The following BICC1 variants were observed in gnomAD, a reference collection of about 807,000 sequenced individuals.
BICC1 encodes the protein protein bicaudal C homolog 1.
BICC1 carries 43 observed loss-of-function variants against 111.0 expected under a neutral mutation model. The observed-to-expected ratio is 0.39, with a 90% CI of 0.30 to 0.50. The LOEUF is 0.50. Ranked by LOEUF, BICC1 falls within the 20% of genes least tolerant of loss-of-function variation. BICC1 has a pLI of 0.88. For synonymous variants in BICC1, 467 were observed against 434.4 expected, an observed-to-expected ratio of 1.07 and a Z score of -0.93; for missense variants, 1,091 against 1,203.2, an observed-to-expected ratio of 0.91 and a Z score of 1.38.
intron 2 of BICC1, among the ~76,000 whole-genome samples, chr10:58,628,247 A>T (rs1381438785): frequency 6.6e-6 from 1 of 152,228 alleles, no homozygotes; most frequent in Non-Finnish European, 1.5e-5. Context: ...ACTAAGATAG[A>T]TTGAAGTTGT....
In BICC1 at chr10:58,828,819, G is replaced by C. The variant is rs1844474514; in HGVS notation, c.2853G>C (p.Leu951=). The C allele has an allele frequency of 6.2e-7, 1 of 1,613,832 alleles. No homozygotes were observed. ...FESPNARTSF[L]EGGASGRLPR... is the part of the protein sequence containing the mutation. ...CGCCAAATGCACGCACCTCTTTCCT[G>C]GAAGGTGGAGCGAGTGGAAGGCTAC... Residue 951 remains leucine, a synonymous_variant, in exon 21 of 21, where the codon CTG becomes CTC. Coordinates refer to ENST00000373886, the MANE Select transcript of BICC1 (RefSeq NM_001080512.3).
rs1214289739 is a variant in BICC1, at chr10:58,829,598, T to G, written c.*707T>G. On this transcript the variant is annotated 3_prime_UTR_variant, in exon 21 of 21. Coordinates refer to ENST00000373886, the MANE Select transcript of BICC1 (RefSeq NM_001080512.3). Reference sequence around the variant, plus strand: ...CACTTGCTTCTGGACCAATTCTGTTTCATGTATGTTAGCATCCTAGAAACA... The same window carrying G: ...CACTTGCTTCTGGACCAATTCTGTTGCATGTATGTTAGCATCCTAGAAACA... The G allele has an allele frequency of 1.3e-5, 2 of 152,182 alleles. No homozygotes were observed. Among genetic ancestry groups the G allele is most frequent in the Non-Finnish European group, 2.9e-5 (2 of 68,032 alleles). 9.4% of individuals were successfully genotyped at this position (152,182 alleles called of 1,614,324 possible).
intron 3 of BICC1, among the ~76,000 whole-genome samples, chr10:58,749,396 A>G (rs1373827909): frequency 6.6e-6 from 1 of 152,160 alleles, no homozygotes; most frequent in Non-Finnish European, 1.5e-5. Flanking sequence ...TATTATTTCT[A>G]TAGAAATTCC....
chr10:58,737,775 C>T (rs1841521259), intron 3 of BICC1, among the ~76,000 whole-genome samples: 1 of 152,194 alleles, frequency 6.6e-6, no homozygotes, highest in Admixed American at 6.5e-5. Context: ...TTAATGATCA[C>T]CATTCTAACT....
chr10:58,679,664 G>C (rs997151044), intron 2 of BICC1, among the ~76,000 whole-genome samples: 1 of 152,176 alleles, frequency 6.6e-6, no homozygotes, highest in African/African-American at 2.4e-5. Context: ...GAAAAAGAGA[G>C]ACTCCTCTCT....
chr10:58,551,111 T>C (rs978901697), intron 1 of BICC1, among the ~76,000 whole-genome samples: 4 of 152,148 alleles, frequency 2.6e-5, no homozygotes, highest in Admixed American at 2.6e-4. Flanking sequence ...CCCTGATCCT[T>C]CACTATTTCA....
intron 3 of BICC1, among the ~76,000 whole-genome samples, chr10:58,740,160 A>G (rs1841612419): frequency 6.6e-6 from 1 of 152,206 alleles, no homozygotes; most frequent in Non-Finnish European, 1.5e-5. Flanking sequence ...TGCCTGGAGT[A>G]GTCCTGGCAC....
intron 1 of BICC1, among the ~76,000 whole-genome samples, chr10:58,519,274 T>C (rs948970453): frequency 7.2e-5 from 11 of 152,220 alleles, no homozygotes; most frequent in Non-Finnish European, 1.6e-4. Context: ...TTAGAGATTT[T>C]GCATTTTTAT....
intron 1 of BICC1, among the ~76,000 whole-genome samples, chr10:58,575,741 G>C (rs1302730964): frequency 2.6e-5 from 4 of 152,028 alleles, no homozygotes; most frequent in Non-Finnish European, 5.9e-5. Context: ...GTTTTTAAAT[G>C]AGAGTCTTCT....
At chr10:58,545,620 A>T (rs950615645) in intron 1 of BICC1, among the ~76,000 whole-genome samples, 6 of 152,170 alleles carry the variant, frequency 3.9e-5, no homozygotes, top group African/African-American at 1.2e-4. Flanking sequence ...ATTTCTCCAC[A>T]TTAGAAACAG....
chr10:58,800,460 A>G (rs1843507991), intron 13 of BICC1, 134 bp downstream of exon 13: 5 of 808,554 alleles, frequency 6.2e-6, no homozygotes, highest in Non-Finnish European at 9.3e-6. Context: ...TTATGTGGAA[A>G]GACAACATCC....
chr10:58,702,221 A>ATATTG, intron 3 of BICC1, 78 bp downstream of exon 3: 1 of 1,123,166 alleles, frequency 8.9e-7, no homozygotes, highest in Non-Finnish European at 1.3e-6. Context: ...CTGGGGAGAA[A>ATATTG]ACTAACCTTT....
At position 58,620,838 on chromosome 10, in the gene BICC1, C is replaced by T. The variant is rs761886024; in HGVS notation, c.191-17C>T. On this transcript the variant is annotated splice_polypyrimidine_tract_variant and intron_variant, in intron 1 of 20. Coordinates refer to ENST00000373886, the MANE Select transcript of BICC1 (RefSeq NM_001080512.3). Reference sequence around the variant, plus strand: ...ACATTGAAAAAGTATTTTAAATGTGCACATTTTTATTTACAGCTGCTGCTG... The same window carrying T: ...ACATTGAAAAAGTATTTTAAATGTGTACATTTTTATTTACAGCTGCTGCTG... 1 of 1,607,922 alleles carries T rather than the reference C, an allele frequency of 6.2e-7. No individual in the cohort carries two copies. The highest frequency in any genetic ancestry group is 1.1e-5 in the South Asian group (1 of 89,718).
intron 3 of BICC1, among the ~76,000 whole-genome samples, chr10:58,739,925 A>G (rs1462378096): frequency 6.6e-6 from 1 of 152,204 alleles, no homozygotes; most frequent in Non-Finnish European, 1.5e-5. Flanking sequence ...TATTTACTCT[A>G]TAGAGAAGTC....
At chr10:58,676,901 G>A (rs1839362593) in intron 2 of BICC1, among the ~76,000 whole-genome samples, 1 of 152,194 alleles carries the variant, frequency 6.6e-6, no homozygotes, top group Admixed American at 6.5e-5. Flanking sequence ...TGATATCGAG[G>A]CAAACAGGGT....
intron 2 of BICC1, among the ~76,000 whole-genome samples, chr10:58,681,861 CTCTT>C (rs955415787): frequency 3.5e-5 from 5 of 141,708 alleles, no homozygotes; most frequent in South Asian, 2.2e-4. Flanking sequence ...TTACAGCTCT[CTCTT>C]TCTTTTTTTT....
rs1554827826 is a variant in BICC1, at chr10:58,745,604, C to CA, written c.308-39397_308-39396insA. ...TCCAGCTCTAAGAGCCCCCCACCGCCCCCCCCCCACATTTTTTTCTGATGG... is the reference window on the plus strand; with the variant it reads ...TCCAGCTCTAAGAGCCCCCCACCGCCACCCCCCCCACATTTTTTTCTGATGG... On this transcript the variant is annotated intron_variant, in intron 3 of 20. Transcript: ENST00000373886. Among the ~76,000 whole-genome samples, 3 of 122,772 alleles carry CA rather than the reference C, an allele frequency of 2.4e-5. No individual in the cohort carries two copies. The Admixed American group carries it at 2.6e-4, about 11-fold the overall frequency. 80.5% of individuals were successfully genotyped at this position (122,772 alleles called of 152,430 possible). A position where few individuals can be genotyped will look rare whatever the true frequency, so the allele number is the denominator to read the frequency against.
At chr10:58,664,540 T>A (rs184061547) in intron 2 of BICC1, among the ~76,000 whole-genome samples, 2 of 152,274 alleles carry the variant, frequency 1.3e-5, no homozygotes, top group Non-Finnish European at 2.9e-5. Context: ...CTGGTAAAAT[T>A]TCCCTTTCTA....
chr10:58,542,261 A>G (rs1589079865), intron 1 of BICC1, among the ~76,000 whole-genome samples: 1 of 152,136 alleles, frequency 6.6e-6, no homozygotes, highest in South Asian at 2.1e-4. Flanking sequence ...TTTGACAAAG[A>G]TGCCAAGGCT....
Sources: allele counts gnomAD v4.1 joint callset (sites outside exome capture counted in the v4.1 genomes callset), GRCh38; gene constraint gnomAD v4.1.1; transcripts MANE v1.5; gene names NCBI Gene and HGNC (gene_info 2026-07-23, HGNC 2026-07-21).